LRPPRC: variants seen among roughly 807,000 people sequenced by gnomAD.
The protein encoded by LRPPRC is leucine-rich PPR motif-containing protein, mitochondrial.
A neutral mutation model predicts 180.3 loss-of-function variants in LRPPRC; 120 were observed. The observed-to-expected ratio is 0.67, with a 90% CI of 0.57 to 0.77. The LOEUF is 0.77. Among genes scored for constraint, LRPPRC ranks in the 30% least tolerant of loss-of-function variants. The pLI is 0.00. For synonymous variants in LRPPRC, 723 were observed against 600.0 expected (o/e 1.21, Z -3.00); for missense variants, 2,012 against 1,657.2 (o/e 1.21, Z -3.72).
intron 30 of LRPPRC, among the ~76,000 whole-genome samples, chr2:43,906,817 C>T (rs575028074): frequency 3.9e-5 from 6 of 152,294 alleles, no homozygotes; most frequent in African/African-American, 1.4e-4. Flanking sequence ...CACTTTCAGC[C>T]TCTAAGGTCC....
chr2:43,984,228 CAAT>C (rs1414053391), intron 1 of LRPPRC, among the ~76,000 whole-genome samples: 2 of 151,934 alleles, frequency 1.3e-5, no homozygotes, highest in Non-Finnish European at 2.9e-5. Context: ...GAGGAGTATG[CAAT>C]AATATTAGTC....
intron 29 of LRPPRC, 48 bp from the exon 30 acceptor site, chr2:43,912,606 T>C (rs772028699): frequency 5.2e-6 from 8 of 1,553,078 alleles, no homozygotes; most frequent in Middle Eastern, 1.7e-4. Context: ...TATTCTGAAA[T>C]GCCAAAAGGA....
At chr2:43,980,285 A>G (rs753733573) in intron 2 of LRPPRC, among the ~76,000 whole-genome samples, 1 of 152,164 alleles carries the variant, frequency 6.6e-6, no homozygotes, top group Non-Finnish European at 1.5e-5. Context: ...AACAGTATAA[A>G]GGGCCAGGCG....
At position 43,925,167 on chromosome 2, in the gene LRPPRC, A is replaced by C. The variant is rs772867685; in HGVS notation, c.2806-10T>G. The C allele has an allele frequency of 7.3e-7, 1 of 1,372,040 alleles. No individual in the cohort carries two copies. The highest frequency in any genetic ancestry group is 1.0e-6 in the Non-Finnish European group (1 of 959,442). The allele number at this position is 1,372,040 out of a possible 1,614,324, so 85.0% of individuals were successfully genotyped here. A position where few individuals can be genotyped will look rare whatever the true frequency, so the allele number is the denominator to read the frequency against. ...TTTCCAGAGTTTCAACCTTAAAAGTAAGATTAAGAGATAGATCTACCTTGT... is the reference window on the plus strand; with the variant it reads ...TTTCCAGAGTTTCAACCTTAAAAGTCAGATTAAGAGATAGATCTACCTTGT... On this transcript the variant is annotated splice_polypyrimidine_tract_variant and intron_variant, in intron 26 of 37. Coordinates refer to ENST00000260665, the MANE Select transcript of LRPPRC (RefSeq NM_133259.4).
intron 23 of LRPPRC, among the ~76,000 whole-genome samples, chr2:43,941,135 A>AT (rs779778370): frequency 6.6e-6 from 1 of 152,144 alleles, no homozygotes; most frequent in Non-Finnish European, 1.5e-5. Flanking sequence ...AAAACAGTGT[A>AT]TTTTTTCTAT....
intron 1 of LRPPRC, among the ~76,000 whole-genome samples, chr2:43,987,851 C>A (rs976202449): frequency 6.6e-6 from 1 of 152,174 alleles, no homozygotes; most frequent in East Asian, 1.9e-4. Flanking sequence ...TTACTGAGTG[C>A]TTTCTATGTA....
In LRPPRC at chr2:43,931,044, T is replaced by G. The variant is rs539608318; in HGVS notation, c.2736+3146A>C. Among the ~76,000 whole-genome samples the G allele has an allele frequency of 3.9e-5, 6 of 152,242 alleles. No homozygotes were observed. The East Asian group carries it at 1.2e-3, about 29-fold the overall frequency. On this transcript the variant is annotated intron_variant, in intron 25 of 37. Coordinates refer to ENST00000260665, the MANE Select transcript of LRPPRC (RefSeq NM_133259.4). ...CCAGACATTAAATCCAGGGAAAGAT[T>G]ATATATACAAGCAAAAAAGTTAAAT...
chr2:43,910,393 C>A (rs1444616822), intron 30 of LRPPRC, among the ~76,000 whole-genome samples: 2 of 152,100 alleles, frequency 1.3e-5, no homozygotes, highest in African/African-American at 4.8e-5. Context: ...TGCCACCACA[C>A]ACGGCTAATT....
Position 43,950,581 on chromosome 2 carries a change from A to G in LRPPRC, c.1669T>C (p.Trp557Arg). 3 of 1,613,780 alleles carry G rather than the reference A, an allele frequency of 1.9e-6. No individual in the cohort carries two copies. Among genetic ancestry groups the G allele is most frequent in the Non-Finnish European group, 2.5e-6 (3 of 1,179,704 alleles). ...GFRRSMNINL[W>R]SEITELLYKD... Reference sequence around the variant, plus strand: ...ATATTAGAGGGACTTACCTCGCTCCAAAGATTTATATTCATAGACCTGCAG... The same window carrying G: ...ATATTAGAGGGACTTACCTCGCTCCGAAGATTTATATTCATAGACCTGCAG... Residue 557 changes from tryptophan to arginine, a missense_variant, in exon 15 of 38, where the codon TGG becomes CGG. Coordinates refer to ENST00000260665, the MANE Select transcript of LRPPRC (RefSeq NM_133259.4).
At chr2:43,931,532 T>G (rs1324110646) in intron 25 of LRPPRC, among the ~76,000 whole-genome samples, 1 of 152,206 alleles carries the variant, frequency 6.6e-6, no homozygotes, top group African/African-American at 2.4e-5. Flanking sequence ...CAGTTCCTTC[T>G]GCCTGGAATG....
intron 14 of LRPPRC, among the ~76,000 whole-genome samples, chr2:43,950,823 A>G (rs541040129): frequency 1.3e-5 from 2 of 152,316 alleles, no homozygotes; most frequent in East Asian, 3.9e-4. Flanking sequence ...CAATCCCAGC[A>G]CTTTGGGAGG....
intron 2 of LRPPRC, among the ~76,000 whole-genome samples, chr2:43,981,895 C>A (rs747746141): frequency 1.4e-5 from 2 of 143,136 alleles, no homozygotes; most frequent in Non-Finnish European, 3.0e-5. Context: ...TTTGCACCAA[C>A]CTAAATTTAA....
chr2:43,888,093 A>AATG lies in LRPPRC; in HGVS notation c.*504_*506dup, dbSNP rs1442821873. Reference sequence around the variant, plus strand: ...TTTGGGTCTCTGCTTCTCACTGGAAAATGATGAAGCCTAGATCTGATGACT... The same window carrying AATG: ...TTTGGGTCTCTGCTTCTCACTGGAAAATGATGATGAAGCCTAGATCTGATGACT... On this transcript the variant is annotated 3_prime_UTR_variant, in exon 38 of 38. Transcript: ENST00000260665. 1 of 160,456 alleles carries AATG rather than the reference A, an allele frequency of 6.2e-6. No individual in the cohort carries two copies. The highest frequency in any genetic ancestry group is 1.8e-4 in the South Asian group (1 of 5,618). 9.9% of individuals were successfully genotyped at this position (160,456 alleles called of 1,614,324 possible).
At chr2:43,982,721 T>A (rs1189964990) in intron 1 of LRPPRC, among the ~76,000 whole-genome samples, 2 of 152,212 alleles carry the variant, frequency 1.3e-5, no homozygotes, top group Admixed American at 1.3e-4. Flanking sequence ...AAATACAGTG[T>A]GTTTTAAGTG....
At chr2:43,992,745 G>A (rs1674841083) in intron 1 of LRPPRC, among the ~76,000 whole-genome samples, 1 of 152,116 alleles carries the variant, frequency 6.6e-6, no homozygotes, top group Non-Finnish European at 1.5e-5. Context: ...TTTCTGGAAG[G>A]CAGGTAGAAA....
chr2:43,978,985 C>G (rs891471475), intron 3 of LRPPRC, among the ~76,000 whole-genome samples: 1 of 152,048 alleles, frequency 6.6e-6, no homozygotes, highest in African/African-American at 2.4e-5. Context: ...TGTTTCACAT[C>G]TTATTTCATT....
At chr2:43,966,245 A>C (rs1446374185) in intron 11 of LRPPRC, among the ~76,000 whole-genome samples, 1 of 151,684 alleles carries the variant, frequency 6.6e-6, no homozygotes, top group East Asian at 1.9e-4. Flanking sequence ...TATGGAATCT[A>C]CTAAAAAAAA....
chr2:43,993,529 C>T (rs1674879287), intron 1 of LRPPRC, among the ~76,000 whole-genome samples: 1 of 152,056 alleles, frequency 6.6e-6, no homozygotes, highest in Non-Finnish European at 1.5e-5. Context: ...TGAGAAACTT[C>T]TAGAGTAAAC....
chr2:43,995,787 C>G lies in LRPPRC; in HGVS notation c.149+12G>C, dbSNP rs2103796663. 1.1e-5 allele frequency: 15 copies of G among 1,378,510 alleles called. No homozygotes were observed. The highest frequency in any genetic ancestry group is 1.5e-5 in the African/African-American group (1 of 65,388). 85.4% of individuals were successfully genotyped at this position (1,378,510 alleles called of 1,614,324 possible). A position where few individuals can be genotyped will look rare whatever the true frequency, so the allele number is the denominator to read the frequency against. On this transcript the variant is annotated intron_variant, in intron 1 of 37. Coordinates refer to ENST00000260665, the MANE Select transcript of LRPPRC (RefSeq NM_133259.4). ...GCCGCAGCTTGCCTGGAGAAAGGGCCTGGGCACTCACCCGGCCACGGGCCC... is the reference window on the plus strand; with the variant it reads ...GCCGCAGCTTGCCTGGAGAAAGGGCGTGGGCACTCACCCGGCCACGGGCCC...
Sources: gnomAD v4.1 joint callset for allele counts (sites outside exome capture counted in the v4.1 genomes callset) on GRCh38, gnomAD v4.1.1 for gene constraint, MANE v1.5 for transcripts, NCBI Gene and HGNC (gene_info 2026-07-23, HGNC 2026-07-21) for gene names.